Variants in GPR173 observed in about 807,000 individuals in gnomAD.
The protein encoded by GPR173 is probable G protein-coupled receptor 173.
GPR173 carries 2 observed loss-of-function variants against 13.9 expected under a neutral mutation model. The ratio of observed to expected loss-of-function variants is 0.14; its 90% CI spans 0.06 to 0.45. The LOEUF (loss-of-function observed/expected upper bound fraction) is 0.45, where lower values mean the gene tolerates loss of function less well. Among genes scored for constraint, GPR173 ranks in the 20% least tolerant of loss-of-function variants. The pLI is 0.98. For missense variants in GPR173, 202 were observed against 340.5 expected (o/e 0.59, Z 3.20); for synonymous variants, 131 against 141.0 (o/e 0.93, Z 0.50).
chrX:53,058,363 G>A (rs1454101887), intron 1 of GPR173, among the ~76,000 whole-genome samples: 1 of 111,662 alleles, frequency 9.0e-6, no homozygotes, highest in African/African-American at 3.3e-5. Context: ...AATCTCTGTT[G>A]TGAGAGCCTA....
intron 1 of GPR173, among the ~76,000 whole-genome samples, chrX:53,070,736 A>G (rs1932246111): frequency 9.0e-6 from 1 of 111,306 alleles, no homozygotes; most frequent in Admixed American, 9.6e-5. Flanking sequence ...CACCCGCCTC[A>G]GTCTTCCAAA....
At chrX:53,073,526 C>A (rs1431467735) in intron 1 of GPR173, among the ~76,000 whole-genome samples, 3 of 109,679 alleles carry the variant, frequency 2.7e-5, no homozygotes, top group African/African-American at 9.9e-5. Context: ...ATGTACCCCC[C>A]AGGCTGCTGT....
At chrX:53,067,823 CAAA>C (rs58304820) in intron 1 of GPR173, among the ~76,000 whole-genome samples, 3 of 77,463 alleles carry the variant, frequency 3.9e-5, no homozygotes, top group African/African-American at 1.0e-4. Context: ...GACTCCATCT[CAAA>C]AAAAAAAAAA....
intron 1 of GPR173, among the ~76,000 whole-genome samples, chrX:53,072,393 G>GCTCTCTCTCTCTCTCTCTCTCTCTCTCT (rs111935395): frequency 2.2e-5 from 2 of 90,072 alleles, no homozygotes; most frequent in Admixed American, 1.2e-4. Flanking sequence ...TCTCTCTCTT[G>GCTCTCTCTCTCTCTCTCTCTCTCTCTCT]CTCTCTCTCT....
At chrX:53,062,035 A>G (rs1361987570) in intron 1 of GPR173, among the ~76,000 whole-genome samples, 1 of 110,835 alleles carries the variant, frequency 9.0e-6, no homozygotes, top group African/African-American at 3.3e-5. Flanking sequence ...AGGGAGCCAA[A>G]CTCATCTATT....
At chrX:53,059,013 G>T (rs1270214247) in intron 1 of GPR173, among the ~76,000 whole-genome samples, 5 of 108,945 alleles carry the variant, frequency 4.6e-5, no homozygotes, top group African/African-American at 1.7e-4. Context: ...ACTTTGGGAG[G>T]CCGAGGCGGG....
At chrX:53,075,022 C>G (rs955971079) in intron 1 of GPR173, among the ~76,000 whole-genome samples, 15 of 103,905 alleles carry the variant, frequency 1.4e-4, no homozygotes, top group African/African-American at 5.3e-4. Context: ...AGAATCCTCC[C>G]GTGACTCCCA....
rs782516690 is a variant in GPR173, at chrX:53,062,623, C to T, written c.-98+13139C>T. 6.6e-5 allele frequency among the ~76,000 whole-genome samples: 6 copies of T among 90,743 alleles called. No homozygotes were observed. The South Asian group carries it at 3.7e-3, about 56-fold the overall frequency. 78.8% of individuals were successfully genotyped at this position (90,743 alleles called of 115,157 possible). A position where few individuals can be genotyped will look rare whatever the true frequency, so the allele number is the denominator to read the frequency against. On this transcript the variant is annotated intron_variant, in intron 1 of 1. Coordinates refer to ENST00000332582, the MANE Select transcript of GPR173 (RefSeq NM_018969.6). The stretch of plus-strand genomic sequence containing the variant: ...TGAGTTAAGGTCTCCCTCTCTGTCA[C>T]CCAGGCTGGAGTACAGTGATGGGAT...
chrX:53,079,577 TTC>T lies in GPR173; in HGVS notation c.*1838_*1839del. 9.2e-6 allele frequency: 1 copy of T among 108,459 alleles called. No individual in the cohort carries two copies. The highest frequency in any genetic ancestry group is 4.3e-4 in the South Asian group (1 of 2,325). 8.9% of individuals were successfully genotyped at this position (108,459 alleles called of 1,213,427 possible). A position where few individuals can be genotyped will look rare whatever the true frequency, so the allele number is the denominator to read the frequency against. ...AATGAACAATGCTATACTGGATGTT[TTC>T]TCTTTCTGACTGTGTGTGTGTGTGT... On this transcript the variant is annotated 3_prime_UTR_variant, in exon 2 of 2. Coordinates refer to ENST00000332582, the MANE Select transcript of GPR173 (RefSeq NM_018969.6).
chrX:53,066,858 C>A (rs1006047997), intron 1 of GPR173, among the ~76,000 whole-genome samples: 2 of 111,065 alleles, frequency 1.8e-5, no homozygotes, highest in Non-Finnish European at 3.8e-5. Flanking sequence ...GATTTAATTA[C>A]ATTCATCTGG....
chrX:53,063,791 C>T (rs1353570144), intron 1 of GPR173, among the ~76,000 whole-genome samples: 2 of 111,550 alleles, frequency 1.8e-5, no homozygotes, highest in African/African-American at 6.5e-5. Context: ...ACGCATATAA[C>T]AAAGGTGGCT....
At chrX:53,057,429 AAAAG>A (rs1372772943) in intron 1 of GPR173, among the ~76,000 whole-genome samples, 4 of 103,196 alleles carry the variant, frequency 3.9e-5, no homozygotes, top group East Asian at 3.0e-4. Context: ...AAAAAAAAAA[AAAAG>A]AAAGAAAGAA....
intron 1 of GPR173, among the ~76,000 whole-genome samples, chrX:53,067,777 T>C (rs781887964): frequency 9.9e-6 from 1 of 100,631 alleles, no homozygotes; most frequent in East Asian, 3.1e-4. Flanking sequence ...TGAGCCGAGA[T>C]CGTGCCACTG....
intron 1 of GPR173, among the ~76,000 whole-genome samples, chrX:53,051,156 C>T (rs1449512790): frequency 2.7e-5 from 3 of 111,134 alleles, no homozygotes; most frequent in South Asian, 7.6e-4. Context: ...GTGAGGGACG[C>T]GTCCCAGGGA....
intron 1 of GPR173, among the ~76,000 whole-genome samples, chrX:53,068,518 G>C (rs1419356476): frequency 2.7e-5 from 3 of 109,888 alleles, no homozygotes; most frequent in African/African-American, 6.6e-5. Context: ...GTTCATGCCT[G>C]TAATCCCAAG....
At chrX:53,064,381 C>T (rs1005454575) in intron 1 of GPR173, among the ~76,000 whole-genome samples, 1 of 110,917 alleles carries the variant, frequency 9.0e-6, no homozygotes, top group African/African-American at 3.3e-5. Context: ...CTAGCCTGGC[C>T]AACATGGTGA....
intron 1 of GPR173, among the ~76,000 whole-genome samples, chrX:53,066,582 C>T (rs1488821374): frequency 9.1e-6 from 1 of 109,301 alleles, no homozygotes; most frequent in African/African-American, 3.3e-5. Context: ...GCAGGAGAAT[C>T]GCTTGAACCC....
At position 53,067,819 on chromosome X, in the gene GPR173, A is replaced by G. The variant is rs1370777321; in HGVS notation, c.-97-8706A>G. ...CGCCTGGGCGACAGAGCGAGACTCC[A>G]TCTCAAAAAAAAAAAAAAAAAGAAA... is the stretch of plus-strand genomic sequence containing the variant. On this transcript the variant is annotated intron_variant, in intron 1 of 1. Transcript: ENST00000332582. 4.0e-4 allele frequency among the ~76,000 whole-genome samples: 11 copies of G among 27,523 alleles called. No homozygotes were observed. The East Asian group carries it at 6.4e-3, about 16-fold the overall frequency. 23.9% of individuals were successfully genotyped at this position (27,523 alleles called of 115,157 possible).
intron 1 of GPR173, among the ~76,000 whole-genome samples, chrX:53,069,117 G>A (rs1375164063): frequency 9.4e-6 from 1 of 106,267 alleles, no homozygotes; most frequent in Non-Finnish European, 1.9e-5. Context: ...GCACCACTAC[G>A]CCCAGCTAAT....
Sources: allele counts gnomAD v4.1 joint callset (sites outside exome capture counted in the v4.1 genomes callset), GRCh38; gene constraint gnomAD v4.1.1; transcripts MANE v1.5; gene names NCBI Gene and HGNC (gene_info 2026-07-23, HGNC 2026-07-21).